MAGI1: variants seen among roughly 807,000 people sequenced by gnomAD.
MAGI1 encodes membrane-associated guanylate kinase, WW and PDZ domain-containing protein 1.
A neutral mutation model predicts 139.9 loss-of-function variants in MAGI1; 58 were observed. That is an observed-to-expected ratio of 0.41 (90% confidence interval 0.34 to 0.52). The LOEUF (loss-of-function observed/expected upper bound fraction) is 0.52. Ranked by LOEUF, MAGI1 falls within the 20% of genes least tolerant of loss-of-function variation. The probability of loss-of-function intolerance (pLI) is 0.12; values close to 1 mark genes in which losing one functional copy is unlikely to be tolerated. For synonymous variants in MAGI1, 812 were observed against 737.9 expected (o/e 1.10, Z -1.63); for missense variants, 1,874 against 1,901.6 (o/e 0.99, Z 0.27).
intron 2 of MAGI1, among the ~76,000 whole-genome samples, chr3:65,509,267 A>C (rs2077444660): frequency 6.6e-6 from 1 of 152,164 alleles, no homozygotes. Context: ...AACACATAAC[A>C]TATGTTACAT....
intron 1 of MAGI1, among the ~76,000 whole-genome samples, chr3:65,641,561 AT>A (rs1247443192): frequency 2.0e-5 from 3 of 152,218 alleles, no homozygotes; most frequent in Admixed American, 1.3e-4. Context: ...TTGATAGAGC[AT>A]CCTGTATAAT....
intron 1 of MAGI1, chr3:65,844,099 T>C: frequency 2.0e-6 from 1 of 506,104 alleles, no homozygotes; most frequent in South Asian, 1.4e-5. Context: ...TTGGTAGGTG[T>C]GTCTGGGCCA....
chr3:65,719,017 C>CAAAA (rs57290579), intron 1 of MAGI1, among the ~76,000 whole-genome samples: 3 of 96,366 alleles, frequency 3.1e-5, no homozygotes, highest in East Asian at 3.6e-4. Context: ...ATAACCCTAC[C>CAAAA]AAAAAAAAAA....
intron 4 of MAGI1, among the ~76,000 whole-genome samples, chr3:65,477,556 C>T (rs1455006454): frequency 6.6e-6 from 1 of 152,090 alleles, no homozygotes; most frequent in East Asian, 1.9e-4. Flanking sequence ...GTCTAATCCA[C>T]AACACTGTAG....
At chr3:65,375,704 G>C in intron 18 of MAGI1, 41 bp downstream of exon 18, 1 of 1,372,208 alleles carries the variant, frequency 7.3e-7, no homozygotes, top group African/African-American at 1.6e-5. Flanking sequence ...CAGAGAGAGA[G>C]AAAAAGAGAG....
chr3:65,819,245 C>T (rs2041796196), intron 1 of MAGI1, among the ~76,000 whole-genome samples: 1 of 152,178 alleles, frequency 6.6e-6, no homozygotes, highest in African/African-American at 2.4e-5. Flanking sequence ...GATCGTGCCA[C>T]TGCACAGCCT....
chr3:65,610,752 AG>A (rs1331517544), intron 2 of MAGI1, among the ~76,000 whole-genome samples: 34 of 123,234 alleles, frequency 2.8e-4, no homozygotes, highest in South Asian at 4.9e-4. Flanking sequence ...GTATATATAC[AG>A]TATATATATA....
chr3:65,929,063 G>C (rs1203888463), intron 1 of MAGI1, among the ~76,000 whole-genome samples: 1 of 151,746 alleles, frequency 6.6e-6, no homozygotes, highest in African/African-American at 2.4e-5. Context: ...CGAAGCGGGA[G>C]GGATCACTTA....
chr3:65,783,349 A>G (rs9818652), intron 1 of MAGI1, among the ~76,000 whole-genome samples: 6,140 of 152,292 alleles, frequency 0.04, 441 homozygotes, highest in African/African-American at 0.14. Context: ...GATGGCTACA[A>G]TCAAAAAGGC....
chr3:65,945,383 G>A (rs1576193836), intron 1 of MAGI1, among the ~76,000 whole-genome samples: 1 of 152,316 alleles, frequency 6.6e-6, no homozygotes, highest in South Asian at 2.1e-4. Flanking sequence ...TGAGGCTGAT[G>A]ATCTGGGGAC....
intron 12 of MAGI1, among the ~76,000 whole-genome samples, chr3:65,411,055 A>T (rs1009889845): frequency 2.6e-5 from 4 of 152,210 alleles, no homozygotes; most frequent in African/African-American, 9.6e-5. Context: ...ACTTAAAACA[A>T]CCACTAATTT....
At chr3:65,524,028 A>AGAGGAAAGCAGAAAGGG (rs1173759134) in intron 2 of MAGI1, among the ~76,000 whole-genome samples, 1 of 152,206 alleles carries the variant, frequency 6.6e-6, no homozygotes, top group Non-Finnish European at 1.5e-5. Context: ...AAAAGGGAAG[A>AGAGGAAAGCAGAAAGGG]GAGGAAAGCA....
chr3:65,640,793 G>A lies in MAGI1; in HGVS notation c.314-18705C>T, dbSNP rs55982416. On this transcript the variant is annotated intron_variant, in intron 1 of 22. Coordinates refer to ENST00000402939, the MANE Select transcript of MAGI1 (RefSeq NM_001033057.2). ...TAAAACTGCAAGGAAGATACCAAAT[G>A]CACCAATAAATCCAACTAACGAGTG... is the stretch of plus-strand genomic sequence containing the variant. Among the ~76,000 whole-genome samples, 979 of 152,262 alleles carry A rather than the reference G, an allele frequency of 6.4e-3. 5 individuals carry two copies. Among genetic ancestry groups the A allele is most frequent in the Non-Finnish European group, 8.2e-3 (556 of 68,020 alleles).
chr3:65,662,511 A>C (rs577473223), intron 1 of MAGI1, among the ~76,000 whole-genome samples: 1 of 152,240 alleles, frequency 6.6e-6, no homozygotes, highest in Non-Finnish European at 1.5e-5. Context: ...TGGTTTACCA[A>C]TCACTGATCT....
chr3:65,980,274 A>G (rs6445521), intron 1 of MAGI1, among the ~76,000 whole-genome samples: 148,786 of 152,350 alleles, frequency 0.98, 72,755 homozygotes, highest in East Asian at 1. Flanking sequence ...AAAAATAAAC[A>G]GGTAATGGCT....
intron 1 of MAGI1, among the ~76,000 whole-genome samples, chr3:65,815,051 G>T (rs899020016): frequency 6.6e-6 from 1 of 152,058 alleles, no homozygotes; most frequent in Non-Finnish European, 1.5e-5. Context: ...GTCCTGCCTC[G>T]TACAGTTCCC....
intron 1 of MAGI1, among the ~76,000 whole-genome samples, chr3:65,782,401 A>G (rs1049144308): frequency 6.6e-6 from 1 of 152,178 alleles, no homozygotes; most frequent in Non-Finnish European, 1.5e-5. Flanking sequence ...GGAAGGGAAC[A>G]CAGCCCTGTG....
chr3:65,511,802 G>A (rs1403680036), intron 2 of MAGI1, among the ~76,000 whole-genome samples: 4 of 140,166 alleles, frequency 2.9e-5, no homozygotes, highest in Non-Finnish European at 6.2e-5. Context: ...GCACCAAGTG[G>A]ACCTAATAGA....
chr3:65,561,448 A>C (rs1420201553), intron 2 of MAGI1, among the ~76,000 whole-genome samples: 3 of 152,132 alleles, frequency 2.0e-5, no homozygotes, highest in Non-Finnish European at 2.9e-5. Flanking sequence ...AAATCTAAAC[A>C]CAAGAAGCAA....
Sources: allele counts gnomAD v4.1 joint callset (sites outside exome capture counted in the v4.1 genomes callset), GRCh38; gene constraint gnomAD v4.1.1; transcripts MANE v1.5; gene names NCBI Gene and HGNC (gene_info 2026-07-23, HGNC 2026-07-21).